The following ARRDC5 variants were observed in gnomAD, a reference collection of about 807,000 sequenced individuals.
The protein encoded by ARRDC5 is arrestin domain-containing protein 5.
ARRDC5 carries 12 observed loss-of-function variants against 13.3 expected under a neutral mutation model. The ratio of observed to expected loss-of-function variants is 0.90; its 90% confidence interval spans 0.58 to 1.46. The LOEUF (loss-of-function observed/expected upper bound fraction) is 1.46, where lower values mean the gene tolerates loss of function less well. ARRDC5 is among the 40% of genes most tolerant of loss of function. The probability of loss-of-function intolerance (pLI) is 0.00; values close to 1 mark genes in which losing one functional copy is unlikely to be tolerated. For synonymous variants in ARRDC5, 181 were observed against 173.4 expected (o/e 1.04, Z -0.34); for missense variants, 406 against 418.7 (o/e 0.97, Z 0.26).
intron 1 of ARRDC5, 70 bp from the exon 2 acceptor site, chr19:4,896,946 T>C (rs1474086186): frequency 3.5e-6 from 4 of 1,135,564 alleles, no homozygotes; most frequent in Non-Finnish European, 5.1e-6. Flanking sequence ...CTTTTTTTTT[T>C]TGCTTTATTT....
chr19:4,913,419 A>G, the ARRDC5 span, among the ~76,000 whole-genome samples: 2 of 151,698 alleles, frequency 1.3e-5, no homozygotes, highest in African/African-American at 4.8e-5. Context: ...ACGCCTGATT[A>G]ATTTTTTGTA....
chr19:4,910,901 C>T, the ARRDC5 span: 1 of 1,612,308 alleles, frequency 6.2e-7, no homozygotes, highest in Non-Finnish European at 8.5e-7. Flanking sequence ...GATCCAGGTT[C>T]GGACCATGGA....
chr19:4,913,647 G>A, the ARRDC5 span, among the ~76,000 whole-genome samples: 1 of 152,040 alleles, frequency 6.6e-6, no homozygotes, highest in Non-Finnish European at 1.5e-5. Flanking sequence ...CAGGGAGCTG[G>A]GATTGGAACC....
intron 1 of ARRDC5, among the ~76,000 whole-genome samples, chr19:4,900,403 C>T (rs186306663): frequency 6.6e-6 from 1 of 152,206 alleles, no homozygotes; most frequent in African/African-American, 2.4e-5. Flanking sequence ...CACGTGTGAG[C>T]CACTGTGCCT....
chr19:4,891,321 T>C lies in ARRDC5; in HGVS notation c.712A>G (p.Arg238Gly). Residue 238 changes from arginine to glycine, a missense_variant, in exon 3 of 3, where the codon AGG becomes GGG. Physicochemically the swap from Arg to Gly is moderately radical, Grantham distance 125. Coordinates refer to ENST00000650722, the MANE Select transcript of ARRDC5 (RefSeq NM_001080523.3). ...RSRLDSSELL[R>G]QEANTPVTRF... ...GTCACGGGGGTGTTGGCCTCCTGCC[T>C]CAGAAGCTCGCTGCTGTCCAGCCGA... 1 of 1,613,920 alleles carries C rather than the reference T, an allele frequency of 6.2e-7. No individual in the cohort carries two copies. Among genetic ancestry groups the C allele is most frequent in the Non-Finnish European group, 8.5e-7 (1 of 1,179,880 alleles).
intron 1 of ARRDC5, among the ~76,000 whole-genome samples, chr19:4,898,989 G>C (rs910589322): frequency 6.6e-6 from 1 of 151,904 alleles, no homozygotes; most frequent in Non-Finnish European, 1.5e-5. Flanking sequence ...GTGCACAGTA[G>C]GCACTCAATA....
At chr19:4,891,734 A>T (rs571228179) in intron 2 of ARRDC5, among the ~76,000 whole-genome samples, 161 bp from the exon 3 acceptor site, 8 of 152,234 alleles carry the variant, frequency 5.3e-5, no homozygotes, top group African/African-American at 1.9e-4. Flanking sequence ...AGGCGGGAGG[A>T]TCACCATGTC....
the ARRDC5 span, chr19:4,910,635 C>T: frequency 1.0e-5 from 4 of 395,454 alleles, no homozygotes; most frequent in South Asian, 1.1e-4. Context: ...CTTTCAATTC[C>T]CTCTTTTCAT....
chr19:4,896,353 TTTTTTTTTACACACACACACAC>T (rs2031723215), intron 2 of ARRDC5, among the ~76,000 whole-genome samples: 1 of 85,100 alleles, frequency 1.2e-5, no homozygotes, highest in African/African-American at 4.7e-5. Context: ...TATATATTTT[TTTTTTTTTACACACACACACAC>T]ACACACACAC....
At chr19:4,912,012 TG>T in the ARRDC5 span, among the ~76,000 whole-genome samples, 1 of 152,196 alleles carries the variant, frequency 6.6e-6, no homozygotes, top group African/African-American at 2.4e-5. Flanking sequence ...CAGGGGTTTT[TG>T]GGGGCTGGGA....
the ARRDC5 span, among the ~76,000 whole-genome samples, chr19:4,915,250 T>C: frequency 6.6e-6 from 1 of 151,422 alleles, no homozygotes; most frequent in South Asian, 2.1e-4. Flanking sequence ...GGAGGGAGGG[T>C]CCCCACCACC....
rs777733107 is a variant in ARRDC5, at chr19:4,890,683, G to T, written c.*363C>A. On this transcript the variant is annotated 3_prime_UTR_variant, in exon 3 of 3. Transcript: ENST00000650722. The stretch of plus-strand genomic sequence containing the variant: ...CACGCCAATAAGACTCTTCTCCCCC[G>T]ATCCCCTGCAGTTGTGACAGCCAAT... The T allele has an allele frequency of 5.4e-5, 14 of 257,554 alleles. No individual in the cohort carries two copies. The Admixed American group carries it at 6.7e-4, about 12-fold the overall frequency. The allele number at this position is 257,554 out of a possible 1,614,324, so 16.0% of individuals were successfully genotyped here. A position where few individuals can be genotyped will look rare whatever the true frequency, so the allele number is the denominator to read the frequency against.
chr19:4,893,527 G>T (rs1274180657), intron 2 of ARRDC5, among the ~76,000 whole-genome samples: 1 of 149,860 alleles, frequency 6.7e-6, no homozygotes, highest in Non-Finnish European at 1.5e-5. Flanking sequence ...GAAAAGAAAA[G>T]AAAAGAAAAT....
rs190077518 is a variant in ARRDC5, at chr19:4,895,140, G to A, written c.459+1531C>T. ...ACATTTTTTTTTTAATAGCGGTACCGGCTAGGAGCGGTGGCTAACGCCTGT... is the reference window on the plus strand; with the variant it reads ...ACATTTTTTTTTTAATAGCGGTACCAGCTAGGAGCGGTGGCTAACGCCTGT... On this transcript the variant is annotated intron_variant, in intron 2 of 2. Transcript: ENST00000650722. Among the ~76,000 whole-genome samples the A allele has an allele frequency of 7.0e-4, 106 of 151,560 alleles. 1 individual carries two copies. Among genetic ancestry groups the A allele is most frequent in the South Asian group, 2.1e-3 (10 of 4,814 alleles).
rs199780032 is a variant in ARRDC5, at chr19:4,896,727, T to C, written c.403A>G (p.Arg135Gly). ...MGREHILAKK[R>G]MYLLVQGTST... ...GTTCCTTGAACCAATAAGTACATCC[T>C]CTTCTTGGCTAAAATGTGTTCCCTG... Residue 135 changes from arginine (R) to glycine (G), a missense_variant, in exon 2 of 3, where the codon AGG becomes GGG. Coordinates refer to ENST00000650722, the MANE Select transcript of ARRDC5 (RefSeq NM_001080523.3). 527 of 1,613,608 alleles carry C rather than the reference T, an allele frequency of 3.3e-4. No homozygotes were observed. The highest frequency in any genetic ancestry group is 4.3e-4 in the Non-Finnish European group (510 of 1,179,750).
chr19:4,904,740 A>G (rs900565084), upstream of ARRDC5, among the ~76,000 whole-genome samples: 19 of 152,246 alleles, frequency 1.2e-4, no homozygotes, highest in Admixed American at 1.2e-3. Flanking sequence ...TGGCTCAGCC[A>G]GGAGTGGGTG....
At chr19:4,910,014 C>T in the ARRDC5 span, 1 of 177,618 alleles carries the variant, frequency 5.6e-6, no homozygotes, top group Admixed American at 6.3e-5. Context: ...CCGGGAGCAT[C>T]TGGGCCAATG....
chr19:4,890,753 C>T lies in ARRDC5; in HGVS notation c.*293G>A, dbSNP rs116544525. ...GGGGAGAATTCTCCCCAAGTAGGAC[C>T]CCTGGTCTTGGCACTGTGAGACCCC... On this transcript the variant is annotated 3_prime_UTR_variant, in exon 3 of 3. Transcript: ENST00000650722. 1.4e-3 allele frequency: 502 copies of T among 366,016 alleles called. 3 individuals are homozygous for T. The highest frequency in any genetic ancestry group is 9.3e-3 in the African/African-American group (453 of 48,670). The allele number at this position is 366,016 out of a possible 1,614,324, so 22.7% of individuals were successfully genotyped here.
chr19:4,892,928 C>A (rs1371457729), intron 2 of ARRDC5, among the ~76,000 whole-genome samples: 1 of 150,618 alleles, frequency 6.6e-6, no homozygotes, highest in African/African-American at 2.4e-5. Context: ...CTTGGTGAAA[C>A]CCCGTCTCTA....
Sources: allele counts gnomAD v4.1 joint callset (sites outside exome capture counted in the v4.1 genomes callset), GRCh38; gene constraint gnomAD v4.1.1; transcripts MANE v1.5; gene names NCBI Gene and HGNC (gene_info 2026-07-23, HGNC 2026-07-21).